PNPLA7: variants seen among roughly 807,000 people sequenced by gnomAD.
PNPLA7 encodes the protein patatin like domain 7, lysophospholipase, also known as patatin-like phospholipase domain-containing protein 7.
A neutral mutation model predicts 161.7 loss-of-function variants in PNPLA7; 153 were observed. The ratio of observed to expected loss-of-function variants is 0.95; its 90% CI spans 0.83 to 1.08. The LOEUF (loss-of-function observed/expected upper bound fraction) is 1.08. PNPLA7 is among the 50% of genes least tolerant of loss of function. PNPLA7 has a pLI of 0.00. For missense variants in PNPLA7, 1,739 were observed against 1,856.6 expected (o/e 0.94, Z 1.16); for synonymous variants, 809 against 782.1 (o/e 1.03, Z -0.57).
intron 8 of PNPLA7, among the ~76,000 whole-genome samples, chr9:137,538,614 G>A (rs1423389868): frequency 1.3e-5 from 2 of 152,226 alleles, no homozygotes; most frequent in Non-Finnish European, 2.9e-5. Context: ...AATGCAAAAG[G>A]TGTAACTCAA....
intron 11 of PNPLA7, among the ~76,000 whole-genome samples, chr9:137,519,124 C>T (rs79081660): frequency 6.6e-6 from 1 of 152,366 alleles, no homozygotes; most frequent in African/African-American, 2.4e-5. Context: ...TCCATTCTCT[C>T]CTCACTCTCA....
chr9:137,542,825 G>A (rs1836280973), intron 6 of PNPLA7, 24 bp from the exon 7 acceptor site: 2 of 1,596,346 alleles, frequency 1.3e-6, no homozygotes, highest in Admixed American at 1.7e-5. Context: ...AGGGCACTGT[G>A]GGACGCCCTT....
chr9:137,480,725 G>A, intron 22 of PNPLA7: 1 of 717,698 alleles, frequency 1.4e-6, no homozygotes, highest in South Asian at 1.9e-5. Flanking sequence ...TGAGACCCGG[G>A]GCTGCCCAGG....
At chr9:137,475,531 A>T (rs56952601) in intron 25 of PNPLA7, among the ~76,000 whole-genome samples, 4 of 151,878 alleles carry the variant, frequency 2.6e-5, no homozygotes, top group African/African-American at 9.7e-5. Context: ...CCCGCCACCA[A>T]GCCTGGCTAA....
At chr9:137,534,785 G>T (rs1835796312) in intron 8 of PNPLA7, among the ~76,000 whole-genome samples, 1 of 152,116 alleles carries the variant, frequency 6.6e-6, no homozygotes, top group Non-Finnish European at 1.5e-5. Context: ...AACATTTCCA[G>T]TAATCTAGAT....
intron 20 of PNPLA7, among the ~76,000 whole-genome samples, 145 bp downstream of exon 20, chr9:137,492,850 TGGGCAGGGCTTCATGACA>T (rs1832844167): frequency 1.6e-5 from 1 of 61,980 alleles, no homozygotes; most frequent in Non-Finnish European, 3.1e-5. Context: ...ATGGGCTGGG[TGGGCAGGGCTTCATGACA>T]GGGAAGGGCC....
chr9:137,460,258 AAC>A lies in PNPLA7; in HGVS notation c.*133_*134del. The A allele has an allele frequency of 1.2e-6, 1 of 809,546 alleles. No homozygotes were observed. The highest frequency in any genetic ancestry group is 1.9e-6 in the Non-Finnish European group (1 of 517,084). 50.1% of individuals were successfully genotyped at this position (809,546 alleles called of 1,614,324 possible). ...ACAAAGAAGAGGCCCAGAGAACCCT[AAC>A]ACAGCCTGGGGCCCCGGGGAAGTCA... On this transcript the variant is annotated 3_prime_UTR_variant, in exon 35 of 35. Coordinates refer to ENST00000406427, the MANE Select transcript of PNPLA7 (RefSeq NM_001098537.3).
rs961954526 is a variant in PNPLA7 at position 137,523,254 on chromosome 9, C to G, written c.748-397G>C. ...CGCCAAAGGGCGTGCCAGACACCAACCTGAGCGGGCTTCCTAAAAAGGCCA... is the reference window on the plus strand; with the variant it reads ...CGCCAAAGGGCGTGCCAGACACCAAGCTGAGCGGGCTTCCTAAAAAGGCCA... On this transcript the variant is annotated intron_variant, in intron 8 of 34. Coordinates refer to ENST00000406427, the MANE Select transcript of PNPLA7 (RefSeq NM_001098537.3). The surrounding 1 kb of genome is among the most constrained non-coding windows in gnomAD (Gnocchi z 4.4). Among the ~76,000 whole-genome samples, 6 of 152,170 alleles carry G rather than the reference C, an allele frequency of 3.9e-5. No individual in the cohort carries two copies. The highest frequency in any genetic ancestry group is 1.2e-4 in the African/African-American group (5 of 41,444).
intron 4 of PNPLA7, among the ~76,000 whole-genome samples, chr9:137,546,256 G>A (rs886604737): frequency 8.5e-5 from 13 of 152,078 alleles, no homozygotes; most frequent in Admixed American, 1.3e-4. Flanking sequence ...AAGCAGACAC[G>A]TGAACCACGG....
At chr9:137,521,758 G>A (rs370910576) in intron 9 of PNPLA7, 42 bp from the exon 10 acceptor site, 1 of 1,569,330 alleles carries the variant, frequency 6.4e-7, no homozygotes, top group Non-Finnish European at 8.7e-7. Flanking sequence ...CCGGCCTGGG[G>A]TACAGGGCGG....
rs930230915 is a variant in PNPLA7, at chr9:137,461,960, GC to G, written c.3726del (p.Gln1242HisfsTer106). 8.2e-6 allele frequency: 13 copies of G among 1,593,474 alleles called. No homozygotes were observed. The Middle Eastern group carries it at 5.3e-4, about 64-fold the overall frequency. The stretch of plus-strand genomic sequence containing the variant: ...CTCGCGGGCTTCTTGCTCGGCCCCT[GC>G]TGGTCGCGGAGCATCTTCTCCAGCA... ...SGVLEKMLRD[Q>X]QGPSKKPASA... On this transcript the variant is annotated frameshift_variant, in exon 32 of 35. Coordinates refer to ENST00000406427, the MANE Select transcript of PNPLA7 (RefSeq NM_001098537.3). LOFTEE classifies it high-confidence loss of function.
At position 137,543,884 on chromosome 9, in the gene PNPLA7, G is replaced by T; in HGVS notation, c.274-69C>A. On this transcript the variant is annotated intron_variant, in intron 4 of 34. Coordinates refer to ENST00000406427, the MANE Select transcript of PNPLA7 (RefSeq NM_001098537.3). This position sits in a 1 kb window ranked among gnomAD's most constrained non-coding sequence, Gnocchi z 6.9. ...CAAGGTCCAAGCTCTTTGCCATGGG[G>T]ATCAGTCCTCAGGACCTGCCTGTGG... 7.3e-7 allele frequency: 1 copy of T among 1,377,234 alleles called. No homozygotes were observed. 85.3% of individuals were successfully genotyped at this position (1,377,234 alleles called of 1,614,324 possible).
chr9:137,491,371 T>C, intron 20 of PNPLA7: 1 of 645,142 alleles, frequency 1.6e-6, no homozygotes, highest in Non-Finnish European at 1.9e-6. Flanking sequence ...TTACACTAAG[T>C]ATCTACAGTC....
In PNPLA7 at chr9:137,541,486, C is replaced by A; in HGVS notation, c.667-764G>T. ...CCCCGACAGGCAGTGCCGGAGCTGGCGTGGGATCACAGCCCACTCCCGGGA... is the reference window on the plus strand; with the variant it reads ...CCCCGACAGGCAGTGCCGGAGCTGGAGTGGGATCACAGCCCACTCCCGGGA... On this transcript the variant is annotated intron_variant, in intron 7 of 34. Transcript: ENST00000406427. The surrounding 1 kb of genome is among the most constrained non-coding windows in gnomAD (Gnocchi z 4.4). 1 of 985,450 alleles carries A rather than the reference C, an allele frequency of 1.0e-6. No homozygotes were observed. The highest frequency in any genetic ancestry group is 1.2e-6 in the Non-Finnish European group (1 of 829,922). 61.0% of individuals were successfully genotyped at this position (985,450 alleles called of 1,614,324 possible). A position where few individuals can be genotyped will look rare whatever the true frequency, so the allele number is the denominator to read the frequency against.
At position 137,547,523 on chromosome 9, in the gene PNPLA7, G is replaced by A. The variant is rs181345197; in HGVS notation, c.105+62C>T. 1.6e-3 allele frequency: 2,617 copies of A among 1,599,332 alleles called. 5 individuals carry two copies. The highest frequency in any genetic ancestry group is 2.1e-3 in the Non-Finnish European group (2,407 of 1,167,548). ...GGAATGAGCCAGGGGATGGGGACAG[G>A]GAGAGGTGAAAAAGGCCACGGCCCA... On this transcript the variant is annotated intron_variant, in intron 2 of 34. Transcript: ENST00000406427. The surrounding 1 kb of genome is among the most constrained non-coding windows in gnomAD (Gnocchi z 4.6).
chr9:137,498,953 G>C (rs962251908), intron 16 of PNPLA7, among the ~76,000 whole-genome samples: 1 of 152,162 alleles, frequency 6.6e-6, no homozygotes, highest in Non-Finnish European at 1.5e-5. Context: ...ATCAGGATCT[G>C]CTTTGCACAG....
Position 137,500,619 on chromosome 9 carries a change from G to T in PNPLA7, c.1757+72C>A. 1 of 1,431,620 alleles carries T rather than the reference G, an allele frequency of 7.0e-7. No homozygotes were observed. Among genetic ancestry groups the T allele is most frequent in the Non-Finnish European group, 9.6e-7 (1 of 1,037,350 alleles). 88.7% of individuals were successfully genotyped at this position (1,431,620 alleles called of 1,614,324 possible). A position where few individuals can be genotyped will look rare whatever the true frequency, so the allele number is the denominator to read the frequency against. On this transcript the variant is annotated intron_variant, in intron 16 of 34. Coordinates refer to ENST00000406427, the MANE Select transcript of PNPLA7 (RefSeq NM_001098537.3). The surrounding 1 kb of genome is among the most constrained non-coding windows in gnomAD (Gnocchi z 5.5). ...AGGGTGAGAGCACCAGGAAGAGGCC[G>T]GCCACGCGGGGAGGGGTCTCAGGGC... is the stretch of plus-strand genomic sequence containing the variant.
Position 137,480,324 on chromosome 9 carries a change from G to A in PNPLA7, c.2568C>T (p.Pro856=). ...ILIVGLGDQE[P]TVGELERMLE... is the part of the protein sequence containing the mutation. ...TCCCCGTGCTCACCTCGCCCACTGTGGGCTCCTGGTCACCCAGGCCCACGA... is the reference window on the plus strand; with the variant it reads ...TCCCCGTGCTCACCTCGCCCACTGTAGGCTCCTGGTCACCCAGGCCCACGA... The change falls in exon 23 of 35, where the codon CCC becomes CCT. Residue 856 remains proline (P), a synonymous_variant. Transcript: ENST00000406427. The A allele has an allele frequency of 6.2e-7, 1 of 1,612,360 alleles. No individual in the cohort carries two copies. Among genetic ancestry groups the A allele is most frequent in the Non-Finnish European group, 8.5e-7 (1 of 1,179,708 alleles).
intron 11 of PNPLA7, among the ~76,000 whole-genome samples, chr9:137,518,432 C>G (rs184431007): frequency 2.5e-5 from 2 of 80,670 alleles, no homozygotes; most frequent in Non-Finnish European, 4.8e-5. Flanking sequence ...CCCCCACTCA[C>G]TGACTCCACT....
Sources: gnomAD v4.1 joint callset for allele counts (sites outside exome capture counted in the v4.1 genomes callset) on GRCh38, gnomAD v4.1.1 for gene constraint, Gnocchi (gnomAD v3.1) non-coding constraint, MANE v1.5 for transcripts, NCBI Gene and HGNC (gene_info 2026-07-23, HGNC 2026-07-21) for gene names.